The following ZNF771 variants were observed in gnomAD, a reference collection of about 807,000 sequenced individuals.
ZNF771 encodes mesenchymal stem cell protein DSC43.
In ZNF771, 10 loss-of-function variants were observed where a neutral mutation model predicts 27.6. That is an observed-to-expected ratio of 0.36 (90% CI 0.22 to 0.61). The LOEUF is 0.61. Ranked by LOEUF, ZNF771 falls within the 20% of genes least tolerant of loss-of-function variation. The probability of loss-of-function intolerance (pLI) is 0.70; values close to 1 mark genes in which losing one functional copy is unlikely to be tolerated. For missense variants in ZNF771, 438 were observed against 503.7 expected (o/e 0.87, Z 1.25); for synonymous variants, 261 against 225.2 (o/e 1.16, Z -1.43).
chr16:30,408,280 C>A, intron 2 of ZNF771, 86 bp downstream of exon 2: 6 of 1,568,030 alleles, frequency 3.8e-6, no homozygotes, highest in Non-Finnish European at 5.2e-6. Flanking sequence ...GGGATCTTGC[C>A]CCTACTTTTC....
At chr16:30,407,999 T>TGGGGGGGGGG (rs1311250023) in intron 1 of ZNF771, 46 bp from the exon 2 acceptor site, 1 of 391,294 alleles carries the variant, frequency 2.6e-6, no homozygotes, top group Non-Finnish European at 3.8e-6. Context: ...GGGGGGGGGG[T>TGGGGGGGGGG]GGGGGGGGGC....
In ZNF771 at chr16:30,407,996, G is replaced by T. The variant is rs1181207553; in HGVS notation, c.-9-49G>T. 5.2e-5 allele frequency: 46 copies of T among 891,188 alleles called. 1 individual carries two copies. Among genetic ancestry groups the T allele is most frequent in the East Asian group, 2.8e-4 (7 of 25,314 alleles). 55.2% of individuals were successfully genotyped at this position (891,188 alleles called of 1,614,324 possible). A position where few individuals can be genotyped will look rare whatever the true frequency, so the allele number is the denominator to read the frequency against. On this transcript the variant is annotated intron_variant, in intron 1 of 2. Coordinates refer to ENST00000319296, the MANE Select transcript of ZNF771 (RefSeq NM_001142305.2). ...CCAGGGCCACGGTGGGCGGGGGGGG[G>T]GGTGGGGGGGGGCGGGTCCTGAGCT... is the stretch of plus-strand genomic sequence containing the variant.
intron 2 of ZNF771, among the ~76,000 whole-genome samples, chr16:30,408,668 T>C (rs1352035810): frequency 6.6e-6 from 1 of 152,302 alleles, no homozygotes. Flanking sequence ...ATTTATTCCA[T>C]TTTACAGATG....
At position 30,417,567 on chromosome 16, in the gene ZNF771, G is replaced by T; in HGVS notation, c.154G>T (p.Ala52Ser). ...CCTCTCCCCGCAGGTCCCGGGCGAG[G>T]CGCCCGCGCCGTCCGCCGACCCGGC... The part of the protein sequence containing the change: ...PMDNKEVPGE[A>S]PAPSADPARP... The change falls in exon 3 of 3, where the codon GCG (alanine) becomes TCG (serine). Residue 52 changes from alanine to serine, a missense_variant. Coordinates refer to ENST00000319296, the MANE Select transcript of ZNF771 (RefSeq NM_001142305.2). The T allele has an allele frequency of 8.2e-7, 1 of 1,222,344 alleles. No homozygotes were observed. The highest frequency in any genetic ancestry group is 1.0e-6 in the Non-Finnish European group (1 of 983,542). 75.7% of individuals were successfully genotyped at this position (1,222,344 alleles called of 1,614,324 possible). A position where few individuals can be genotyped will look rare whatever the true frequency, so the allele number is the denominator to read the frequency against.
intron 2 of ZNF771, among the ~76,000 whole-genome samples, chr16:30,415,877 C>G (rs964489697): frequency 6.6e-6 from 1 of 152,152 alleles, no homozygotes; most frequent in Non-Finnish European, 1.5e-5. Flanking sequence ...TGAGCGTTCT[C>G]TTTTCTAGGA....
At chr16:30,416,047 A>G (rs982201897) in intron 2 of ZNF771, among the ~76,000 whole-genome samples, 4 of 152,324 alleles carry the variant, frequency 2.6e-5, no homozygotes, top group Admixed American at 1.3e-4. Flanking sequence ...TTCAGACCTC[A>G]GAATAACATT....
Position 30,410,642 on chromosome 16 carries a change from G to C in ZNF771, c.141+2448G>C, listed in dbSNP as rs562583388. ...CAAAGACTCAGAGGAAATGAGACTG[G>C]AAAGGCAGTTGGGGGACAGAGGGGC... On this transcript the variant is annotated intron_variant, in intron 2 of 2. Coordinates refer to ENST00000319296, the MANE Select transcript of ZNF771 (RefSeq NM_001142305.2). 2.0e-5 allele frequency among the ~76,000 whole-genome samples: 3 copies of C among 152,138 alleles called. No homozygotes were observed. In the South Asian group the frequency reaches 6.2e-4, roughly 32 times the overall value.
rs2050086427 is a variant in ZNF771, at chr16:30,408,077, G to A, written c.24G>A (p.Glu8=). Residue 8 remains glutamate, a synonymous_variant, in exon 2 of 3, where the codon GAG becomes GAA. Transcript: ENST00000319296. MPGEQQA[E]EEEEEEMQEE... ...AGATGCCTGGCGAACAGCAGGCAGA[G>A]GAAGAGGAGGAGGAAGAGATGCAGG... is the stretch of plus-strand genomic sequence containing the variant. 6.2e-7 allele frequency: 1 copy of A among 1,608,096 alleles called. No homozygotes were observed. Among genetic ancestry groups the A allele is most frequent in the Non-Finnish European group, 8.5e-7 (1 of 1,177,104 alleles).
At chr16:30,411,272 T>C (rs559854367) in intron 2 of ZNF771, among the ~76,000 whole-genome samples, 3 of 147,320 alleles carry the variant, frequency 2.0e-5, no homozygotes, top group South Asian at 4.3e-4. Flanking sequence ...TGAGCTGAGA[T>C]TGCACCGCTG....
In ZNF771 at chr16:30,417,414, C is replaced by A. The variant is rs202208289; in HGVS notation, c.142-141C>A. The stretch of plus-strand genomic sequence containing the variant: ...GCATTATCTCACTGGATGCGCACAG[C>A]CATCCTGGGAGGCAGCACCGTGGCC... On this transcript the variant is annotated intron_variant, in intron 2 of 2. Transcript: ENST00000319296. 181 of 444,058 alleles carry A rather than the reference C, an allele frequency of 4.1e-4. 2 individuals carry two copies. In the East Asian group the frequency reaches 6.5e-3, roughly 16 times the overall value. The allele number at this position is 444,058 out of a possible 1,614,324, so 27.5% of individuals were successfully genotyped here.
chr16:30,418,335 A>C lies in ZNF771; in HGVS notation c.922A>C (p.Thr308Pro). 5 of 1,459,872 alleles carry C rather than the reference A, an allele frequency of 3.4e-6. No individual in the cohort carries two copies. Among genetic ancestry groups the C allele is most frequent in the Middle Eastern group, 1.7e-4 (1 of 5,736 alleles). 90.4% of individuals were successfully genotyped at this position (1,459,872 alleles called of 1,614,324 possible). A position where few individuals can be genotyped will look rare whatever the true frequency, so the allele number is the denominator to read the frequency against. Residue 308 changes from threonine to proline, a missense_variant, in exon 3 of 3, where the codon ACC becomes CCC. Thr to Pro is a conservative substitution (Grantham distance 38). Transcript: ENST00000319296. ...LPPGATAATA[T>P]ERCPECEGS Reference sequence around the variant, plus strand: ...CCCTGGCGCCACGGCCGCCACTGCCACCGAGCGTTGCCCGGAGTGTGAGGG... The same window carrying C: ...CCCTGGCGCCACGGCCGCCACTGCCCCCGAGCGTTGCCCGGAGTGTGAGGG...
In ZNF771 at chr16:30,418,569, G is replaced by A; in HGVS notation, c.*202G>A. On this transcript the variant is annotated 3_prime_UTR_variant, in exon 3 of 3. Coordinates refer to ENST00000319296, the MANE Select transcript of ZNF771 (RefSeq NM_001142305.2). ...ACATCACTACATTCCCTCGGCCCGT[G>A]TTAGTGAATAAAGTATTATATCCTC... 1 of 502,190 alleles carries A rather than the reference G, an allele frequency of 2.0e-6. No individual in the cohort carries two copies. The highest frequency in any genetic ancestry group is 4.3e-5 in the Admixed American group (1 of 23,272). 31.1% of individuals were successfully genotyped at this position (502,190 alleles called of 1,614,324 possible). A position where few individuals can be genotyped will look rare whatever the true frequency, so the allele number is the denominator to read the frequency against.
At chr16:30,414,948 T>TTTC (rs2050125853) in intron 2 of ZNF771, among the ~76,000 whole-genome samples, 1 of 51,438 alleles carries the variant, frequency 1.9e-5, no homozygotes, top group Non-Finnish European at 4.7e-5. Context: ...CCCGGCCTCT[T>TTTC]TTTTTTTTTT....
At position 30,414,505 on chromosome 16, in the gene ZNF771, G is replaced by C. The variant is rs182759869; in HGVS notation, c.142-3050G>C. The C allele has an allele frequency of 2.0e-5, 3 of 152,226 alleles. No individual in the cohort carries two copies. In the East Asian group the frequency reaches 5.8e-4, roughly 29 times the overall value. The allele number at this position is 152,226 out of a possible 1,614,324, so 9.4% of individuals were successfully genotyped here. A position where few individuals can be genotyped will look rare whatever the true frequency, so the allele number is the denominator to read the frequency against. On this transcript the variant is annotated intron_variant, in intron 2 of 2. Coordinates refer to ENST00000319296, the MANE Select transcript of ZNF771 (RefSeq NM_001142305.2). Reference sequence around the variant, plus strand: ...AAGAGAGAACACCCAGCTCAAGGCGGGTGACAGGAGGATTTAATACAATAA... The same window carrying C: ...AAGAGAGAACACCCAGCTCAAGGCGCGTGACAGGAGGATTTAATACAATAA...
At chr16:30,407,996 G>GA (rs1221167917) in intron 1 of ZNF771, 49 bp from the exon 2 acceptor site, 8 of 891,160 alleles carry the variant, frequency 9.0e-6, no homozygotes, top group South Asian at 1.7e-5. Flanking sequence ...GCGGGGGGGG[G>GA]GGTGGGGGGG....
At position 30,417,582 on chromosome 16, in the gene ZNF771, GCCGACCCGGCGC is replaced by G; in HGVS notation, c.170_181del (p.Ala57_Arg61delinsGly). On this transcript the variant is annotated inframe_deletion, in exon 3 of 3. Coordinates refer to ENST00000319296, the MANE Select transcript of ZNF771 (RefSeq NM_001142305.2). ...CCCGGGCGAGGCGCCCGCGCCGTCCGCCGACCCGGCGCGTCCCCACGCGTGCCCCGACTGCGG... is the reference window on the plus strand; with the variant it reads ...CCCGGGCGAGGCGCCCGCGCCGTCCGGTCCCCACGCGTGCCCCGACTGCGG... 2 of 1,231,282 alleles carry G rather than the reference GCCGACCCGGCGC, an allele frequency of 1.6e-6. No homozygotes were observed. Among genetic ancestry groups the G allele is most frequent in the Non-Finnish European group, 2.0e-6 (2 of 989,480 alleles). 76.3% of individuals were successfully genotyped at this position (1,231,282 alleles called of 1,614,324 possible). A position where few individuals can be genotyped will look rare whatever the true frequency, so the allele number is the denominator to read the frequency against.
chr16:30,411,487 G>A (rs2050103285), intron 2 of ZNF771, among the ~76,000 whole-genome samples: 1 of 152,186 alleles, frequency 6.6e-6, no homozygotes, highest in Non-Finnish European at 1.5e-5. Flanking sequence ...GGTATGTGCG[G>A]TGAAGGTCTG....
chr16:30,417,710 C>T lies in ZNF771; in HGVS notation c.297C>T (p.Arg99=). Residue 99 remains arginine (R), a synonymous_variant, in exon 3 of 3, where the codon CGC becomes CGT. Transcript: ENST00000319296. The part of the protein sequence containing the change: ...RPFGCTECGR[R]FSQKSALTKH... ...TCGGGTGCACCGAGTGCGGGCGGCG[C>T]TTCTCACAGAAGTCGGCGCTGACCA... 7.2e-7 allele frequency: 1 copy of T among 1,394,140 alleles called. No individual in the cohort carries two copies. The highest frequency in any genetic ancestry group is 9.3e-7 in the Non-Finnish European group (1 of 1,077,842). The allele number at this position is 1,394,140 out of a possible 1,614,324, so 86.4% of individuals were successfully genotyped here.
rs1026929143 is a variant in ZNF771, at chr16:30,418,471, C to T, written c.*104C>T. On this transcript the variant is annotated 3_prime_UTR_variant, in exon 3 of 3. Coordinates refer to ENST00000319296, the MANE Select transcript of ZNF771 (RefSeq NM_001142305.2). ...CGGGTCTGGGAAATTGAGGGGACGG[C>T]AGGCCCGGCTGCCCTGGAACTGGGA... 8 of 1,192,762 alleles carry T rather than the reference C, an allele frequency of 6.7e-6. No individual in the cohort carries two copies. Among genetic ancestry groups the T allele is most frequent in the African/African-American group, 3.2e-5 (2 of 61,806 alleles). 73.9% of individuals were successfully genotyped at this position (1,192,762 alleles called of 1,614,324 possible).
Sources: gnomAD v4.1 joint callset for allele counts (sites outside exome capture counted in the v4.1 genomes callset) on GRCh38, gnomAD v4.1.1 for gene constraint, MANE v1.5 for transcripts, NCBI Gene and HGNC (gene_info 2026-07-23, HGNC 2026-07-21) for gene names.